Variants in KCNH7 observed in about 807,000 individuals in gnomAD.
The protein encoded by KCNH7 is voltage-gated inwardly rectifying potassium channel KCNH7.
KCNH7 carries 49 observed loss-of-function variants against 120.8 expected under a neutral mutation model. The ratio of observed to expected loss-of-function variants is 0.41; its 90% CI spans 0.32 to 0.51. The LOEUF is 0.51. Ranked by LOEUF, KCNH7 falls within the 20% of genes least tolerant of loss-of-function variation. KCNH7 has a pLI of 0.38. For missense variants in KCNH7, 1,097 were observed against 1,446.6 expected (o/e 0.76, Z 3.92); for synonymous variants, 547 against 516.1 (o/e 1.06, Z -0.81).
chr2:162,820,974 C>T (rs192138306), intron 2 of KCNH7, among the ~76,000 whole-genome samples: 1 of 151,940 alleles, frequency 6.6e-6, no homozygotes, highest in Non-Finnish European at 1.5e-5. Context: ...TGCTAGCAGC[C>T]CCAGCTTTTT....
intron 2 of KCNH7, among the ~76,000 whole-genome samples, chr2:162,658,154 T>A (rs936086934): frequency 4.6e-5 from 7 of 151,676 alleles, no homozygotes; most frequent in Non-Finnish European, 8.8e-5. Flanking sequence ...AGACACCAAA[T>A]CTACTGGTAC....
At chr2:162,457,419 T>C (rs1689003986) in intron 6 of KCNH7, among the ~76,000 whole-genome samples, 1 of 152,202 alleles carries the variant, frequency 6.6e-6, no homozygotes, top group Non-Finnish European at 1.5e-5. Flanking sequence ...TAATTAAGCA[T>C]ACAGTTTAGT....
chr2:162,834,413 A>G (rs568339515), intron 2 of KCNH7, among the ~76,000 whole-genome samples: 1 of 152,074 alleles, frequency 6.6e-6, no homozygotes, highest in Non-Finnish European at 1.5e-5. Flanking sequence ...CAAAATAGGT[A>G]GATTTTATAG....
intron 13 of KCNH7, among the ~76,000 whole-genome samples, chr2:162,380,775 T>C (rs1053886014): frequency 4.6e-5 from 7 of 152,292 alleles, no homozygotes; most frequent in East Asian, 1.9e-4. Context: ...GTGTCTATTA[T>C]GGACCAGACA....
At chr2:162,587,907 G>A (rs1244292420) in intron 2 of KCNH7, among the ~76,000 whole-genome samples, 1 of 152,038 alleles carries the variant, frequency 6.6e-6, no homozygotes, top group Non-Finnish European at 1.5e-5. Flanking sequence ...AAGAATACAA[G>A]CTAACAGCCG....
chr2:162,473,465 G>A (rs1386161996), intron 6 of KCNH7, among the ~76,000 whole-genome samples: 1 of 152,126 alleles, frequency 6.6e-6, no homozygotes, highest in East Asian at 1.9e-4. Flanking sequence ...TGTTTGGGCA[G>A]CTTTCTCTTC....
At chr2:162,534,645 G>A (rs1692045699) in intron 3 of KCNH7, among the ~76,000 whole-genome samples, 2 of 151,714 alleles carry the variant, frequency 1.3e-5, no homozygotes, top group South Asian at 2.1e-4. Context: ...TAAGTACCTC[G>A]ATGACTTTAC....
At chr2:162,672,221 C>G (rs1304895165) in intron 2 of KCNH7, among the ~76,000 whole-genome samples, 1 of 151,966 alleles carries the variant, frequency 6.6e-6, no homozygotes, top group Non-Finnish European at 1.5e-5. Flanking sequence ...TTGCCAATAT[C>G]TACATGGAAT....
Position 162,398,735 on chromosome 2 carries a change from C to A in KCNH7, c.2407+1454G>T, listed in dbSNP as rs1289939350. On this transcript the variant is annotated intron_variant, in intron 10 of 15. Transcript: ENST00000332142. ...ACCTTCTTGTAGAAGCTAGGACTGG[C>A]TGACTTGAAGATCAGAAATGCAATG... Among the ~76,000 whole-genome samples, 6 of 151,984 alleles carry A rather than the reference C, an allele frequency of 3.9e-5. No homozygotes were observed. The East Asian group carries it at 1.2e-3, about 30-fold the overall frequency.
At chr2:162,738,922 A>T (rs1483275100) in intron 2 of KCNH7, among the ~76,000 whole-genome samples, 3 of 152,152 alleles carry the variant, frequency 2.0e-5, no homozygotes, top group Non-Finnish European at 4.4e-5. Context: ...ATTTTCATGA[A>T]GTCTAAGTCA....
chr2:162,588,209 T>C (rs1374712450), intron 2 of KCNH7, among the ~76,000 whole-genome samples: 1 of 151,900 alleles, frequency 6.6e-6, no homozygotes, highest in African/African-American at 2.4e-5. Context: ...ACCCACAAAA[T>C]GATATTAGAA....
At chr2:162,420,329 T>A (rs1462100016) in intron 9 of KCNH7, among the ~76,000 whole-genome samples, 2 of 152,150 alleles carry the variant, frequency 1.3e-5, no homozygotes, top group African/African-American at 2.4e-5. Flanking sequence ...TGAGCCTAGA[T>A]GGCACTGCTG....
chr2:162,669,478 G>T (rs1406485143), intron 2 of KCNH7, among the ~76,000 whole-genome samples: 1 of 152,144 alleles, frequency 6.6e-6, no homozygotes, highest in Non-Finnish European at 1.5e-5. Flanking sequence ...ATAAATCTAG[G>T]AGGTGTACAA....
intron 6 of KCNH7, among the ~76,000 whole-genome samples, chr2:162,497,465 G>C (rs1216868477): frequency 6.6e-6 from 1 of 152,100 alleles, no homozygotes; most frequent in Non-Finnish European, 1.5e-5. Context: ...AGCTTTGTAG[G>C]CTTTTTGAAG....
At chr2:162,606,627 T>C (rs780073039) in intron 2 of KCNH7, among the ~76,000 whole-genome samples, 8 of 152,184 alleles carry the variant, frequency 5.3e-5, no homozygotes, top group Middle Eastern at 3.2e-3. Context: ...CTATGTATCA[T>C]ATAAATGAGA....
At chr2:162,807,790 C>A (rs1008990093) in intron 2 of KCNH7, among the ~76,000 whole-genome samples, 1 of 152,088 alleles carries the variant, frequency 6.6e-6, no homozygotes, top group Non-Finnish European at 1.5e-5. Context: ...TCAAGCGATT[C>A]TCCTGCCTCA....
At chr2:162,471,710 C>T (rs549601025) in intron 6 of KCNH7, among the ~76,000 whole-genome samples, 9 of 152,314 alleles carry the variant, frequency 5.9e-5, no homozygotes, top group African/African-American at 1.4e-4. Flanking sequence ...CTACCAATGA[C>T]TTTCTTCACA....
intron 2 of KCNH7, among the ~76,000 whole-genome samples, chr2:162,617,092 T>A (rs17786990): frequency 0.026 from 3,953 of 152,154 alleles, 64 homozygotes; most frequent in Non-Finnish European, 0.041. Flanking sequence ...TGAGATACAG[T>A]AAGTCATTTA....
At chr2:162,734,543 T>C (rs549803693) in intron 2 of KCNH7, among the ~76,000 whole-genome samples, 1 of 152,244 alleles carries the variant, frequency 6.6e-6, no homozygotes, top group South Asian at 2.1e-4. Context: ...TATGCTGTTT[T>C]TTTCCACCAT....
Sources: allele counts gnomAD v4.1 joint callset (sites outside exome capture counted in the v4.1 genomes callset), GRCh38; gene constraint gnomAD v4.1.1; transcripts MANE v1.5; gene names NCBI Gene and HGNC (gene_info 2026-07-23, HGNC 2026-07-21).